Variants in NLRP9 observed in about 807,000 individuals in gnomAD.
NLRP9 encodes the protein NACHT, LRR and PYD domains-containing protein 9.
A neutral mutation model predicts 83.1 loss-of-function variants in NLRP9; 88 were observed. That is an observed-to-expected ratio of 1.06 (90% CI 0.89 to 1.26). The LOEUF (loss-of-function observed/expected upper bound fraction) is 1.26. Among genes scored for constraint, NLRP9 ranks in the 50% most tolerant of loss-of-function variants. The pLI is 0.00. For synonymous variants in NLRP9, 521 were observed against 447.6 expected (o/e 1.16, Z -2.07); for missense variants, 1,308 against 1,179.3 (o/e 1.11, Z -1.60).
At chr19:55,713,590 TCCTCCTCCTCTCCCTCCTCCCCTCTC>T (rs1987865490) in intron 6 of NLRP9, among the ~76,000 whole-genome samples, 1 of 31,486 alleles carries the variant, frequency 3.2e-5, no homozygotes, top group African/African-American at 1.2e-4. Context: ...CCTCCTCCCC[TCCTCCTCCTCTCCCTCCTCCCCTCTC>T]CCTCTTACTC....
At chr19:55,715,363 A>G (rs1987969256) in intron 5 of NLRP9, 138 bp from the exon 6 acceptor site, 2 of 731,366 alleles carry the variant, frequency 2.7e-6, no homozygotes, top group Non-Finnish European at 4.4e-6. Flanking sequence ...AAACCTTTCC[A>G]GATGTTCCTT....
intron 3 of NLRP9, among the ~76,000 whole-genome samples, chr19:55,727,230 C>T (rs1022272908): frequency 1.3e-5 from 2 of 151,978 alleles, no homozygotes; most frequent in African/African-American, 2.4e-5. Flanking sequence ...CCAGCCTGGG[C>T]GGCAGAGACT....
chr19:55,718,395 G>C (rs559169357), intron 4 of NLRP9, among the ~76,000 whole-genome samples: 17 of 152,152 alleles, frequency 1.1e-4, no homozygotes, highest in South Asian at 4.1e-4. Flanking sequence ...GTCTCCTGCT[G>C]GTCCCTGGGA....
intron 3 of NLRP9, among the ~76,000 whole-genome samples, chr19:55,725,148 A>T (rs774107355): frequency 6.6e-6 from 1 of 152,228 alleles, no homozygotes; most frequent in African/African-American, 2.4e-5. Flanking sequence ...TATATGCCAT[A>T]TATGTGTATT....
intron 3 of NLRP9, among the ~76,000 whole-genome samples, chr19:55,726,075 T>TA (rs1988393960): frequency 6.6e-6 from 1 of 150,828 alleles, no homozygotes; most frequent in African/African-American, 2.4e-5. Flanking sequence ...GAGACACCTG[T>TA]GAGAATAAGC....
At chr19:55,726,958 G>A (rs1988420503) in intron 3 of NLRP9, among the ~76,000 whole-genome samples, 1 of 152,180 alleles carries the variant, frequency 6.6e-6, no homozygotes, top group African/African-American at 2.4e-5. Flanking sequence ...TGAATCTAAT[G>A]ATGTTTTTAC....
intron 1 of NLRP9, among the ~76,000 whole-genome samples, chr19:55,735,936 C>T (rs1182038943): frequency 1.3e-5 from 2 of 152,038 alleles, no homozygotes; most frequent in Non-Finnish European, 1.5e-5. Context: ...GATCCGCCCA[C>T]CTCAGCCTCC....
rs377452487 is a variant in NLRP9 at position 55,711,962 on chromosome 19, G to A, written c.2681C>T (p.Thr894Met). 24 of 1,612,156 alleles carry A rather than the reference G, an allele frequency of 1.5e-5. No individual in the cohort carries two copies. Among genetic ancestry groups the A allele is most frequent in the South Asian group, 7.7e-5 (7 of 91,056 alleles). The change falls in exon 8 of 9, where the codon ACG becomes ATG. Residue 894 changes from threonine (T) to methionine (M), a missense_variant. Physicochemically the swap from Thr to Met is moderately conservative, Grantham distance 81. Coordinates refer to ENST00000332836, the MANE Select transcript of NLRP9 (RefSeq NM_176820.4). ...GCAGCAGGCACGGGTGATCGGACACGTTTGCAGCCTGCAAAAGGGAAACAC... is the reference window on the plus strand; with the variant it reads ...GCAGCAGGCACGGGTGATCGGACACATTTGCAGCCTGCAAAAGGGAAACAC... ...HCKLECLGLQ[T>M]CPITRACCDD...
intron 1 of NLRP9, 53 bp from the exon 2 acceptor site, chr19:55,733,603 A>G: frequency 1.9e-6 from 2 of 1,065,018 alleles, no homozygotes; most frequent in South Asian, 1.6e-5. Context: ...TCATTCTTTT[A>G]TACTTCTGAG....
intron 3 of NLRP9, among the ~76,000 whole-genome samples, chr19:55,727,280 T>C (rs571820803): frequency 1.0e-3 from 159 of 152,302 alleles, no homozygotes; most frequent in African/African-American, 3.6e-3. Context: ...AGATCAATTA[T>C]TTATTCTGTC....
Position 55,715,226 on chromosome 19 carries a change from C to G in NLRP9, c.2331-1G>C, listed in dbSNP as rs145048835. On this transcript the variant is annotated splice_acceptor_variant, in intron 5 of 8. Coordinates refer to ENST00000332836, the MANE Select transcript of NLRP9 (RefSeq NM_176820.4). LOFTEE classifies it high-confidence loss of function. ...AGAGGTGAGACAGCAGTACATCAAC[C>G]TGCAAAGAAACACACCGTCTCCCAG... The G allele has an allele frequency of 1.7e-5, 28 of 1,612,228 alleles. No individual in the cohort carries two copies. The highest frequency in any genetic ancestry group is 6.7e-5 in the Admixed American group (4 of 59,830).
At chr19:55,715,899 T>C (rs1987990182) in intron 5 of NLRP9, among the ~76,000 whole-genome samples, 1 of 152,192 alleles carries the variant, frequency 6.6e-6, no homozygotes, top group Non-Finnish European at 1.5e-5. Context: ...TAGAATAATT[T>C]TTGTTTTGTT....
In NLRP9 at chr19:55,738,251, T is replaced by C. The variant is rs1204795316; in HGVS notation, c.124A>G (p.Ile42Val). Residue 42 changes from isoleucine to valine, a missense_variant, in exon 1 of 9, where the codon ATC becomes GTC. By Grantham distance (29) the Ile-to-Val change is conservative. Coordinates refer to ENST00000332836, the MANE Select transcript of NLRP9 (RefSeq NM_176820.4). ...GCCTTCTTCAGCTCAGCCCAGGGGA[T>C]TGGCTTGAGTTCAAATTTCTCCAAA... ...QPLEKFELKP[I>V]PWAELKKASK... The C allele has an allele frequency of 3.7e-6, 6 of 1,614,014 alleles. No homozygotes were observed. The highest frequency in any genetic ancestry group is 4.5e-5 in the East Asian group (2 of 44,894).
chr19:55,720,913 G>A lies in NLRP9; in HGVS notation c.2159+3067C>T, dbSNP rs535087002. On this transcript the variant is annotated intron_variant, in intron 4 of 8. Transcript: ENST00000332836. ...CCCAGAAAGTCAAACAAATGAAAAG[G>A]CGCTCATATTATTAGTCATTAGAGA... Among the ~76,000 whole-genome samples the A allele has an allele frequency of 2.1e-4, 32 of 152,244 alleles. No individual in the cohort carries two copies. The East Asian group carries it at 2.7e-3, about 13-fold the overall frequency.
At chr19:55,711,751 T>G in intron 8 of NLRP9, 49 bp downstream of exon 8, 2 of 1,583,146 alleles carry the variant, frequency 1.3e-6, no homozygotes, top group African/African-American at 1.3e-5. Context: ...GCCAATGAAC[T>G]AAGCTCGTTC....
chr19:55,720,902 C>T lies in NLRP9; in HGVS notation c.2159+3078G>A, dbSNP rs138671235. Among the ~76,000 whole-genome samples the T allele has an allele frequency of 9.8e-3, 1,489 of 152,230 alleles. 16 individuals are homozygous for T. The highest frequency in any genetic ancestry group is 0.014 in the Non-Finnish European group (962 of 68,022). ...ACAACAGGAAGCCCAGAAAGTCAAACAAATGAAAAGGCGCTCATATTATTA... is the reference window on the plus strand; with the variant it reads ...ACAACAGGAAGCCCAGAAAGTCAAATAAATGAAAAGGCGCTCATATTATTA... On this transcript the variant is annotated intron_variant, in intron 4 of 8. Transcript: ENST00000332836.
intron 1 of NLRP9, among the ~76,000 whole-genome samples, chr19:55,734,590 T>C (rs1396739631): frequency 7.2e-6 from 1 of 139,592 alleles, no homozygotes; most frequent in African/African-American, 2.8e-5. Flanking sequence ...TATATACACA[T>C]ATATACATAC....
intron 3 of NLRP9, among the ~76,000 whole-genome samples, chr19:55,728,897 C>T (rs1279033376): frequency 6.6e-6 from 1 of 152,040 alleles, no homozygotes; most frequent in Admixed American, 6.6e-5. Flanking sequence ...AGTAAAATAT[C>T]AGGGAACAAC....
At chr19:55,735,822 G>A (rs1162143531) in intron 1 of NLRP9, among the ~76,000 whole-genome samples, 2 of 151,804 alleles carry the variant, frequency 1.3e-5, no homozygotes, top group Admixed American at 6.6e-5. Flanking sequence ...CGAGTAGCTG[G>A]GATTACAGGC....
Sources: allele counts gnomAD v4.1 joint callset (sites outside exome capture counted in the v4.1 genomes callset), GRCh38; gene constraint gnomAD v4.1.1; transcripts MANE v1.5; gene names NCBI Gene and HGNC (gene_info 2026-07-23, HGNC 2026-07-21).